GRIN2A: variants seen among roughly 807,000 people sequenced by gnomAD.
GRIN2A encodes the protein glutamate receptor ionotropic, NMDA 2A.
A neutral mutation model predicts 113.4 loss-of-function variants in GRIN2A; 22 were observed. The ratio of observed to expected loss-of-function variants is 0.19; its 90% confidence interval spans 0.14 to 0.28. The LOEUF is 0.28. Among genes scored for constraint, GRIN2A ranks in the 10% least tolerant of loss-of-function variants. The pLI is 1.00. For missense variants in GRIN2A, 1,502 were observed against 1,887.0 expected (o/e 0.80, Z 3.78); for synonymous variants, 827 against 738.4 (o/e 1.12, Z -1.94).
intron 2 of GRIN2A, among the ~76,000 whole-genome samples, chr16:10,137,402 T>C (rs973316480): frequency 6.6e-6 from 1 of 152,180 alleles, no homozygotes; most frequent in Non-Finnish European, 1.5e-5. Context: ...GGTGTTCCTA[T>C]TTTCTCCATC....
chr16:9,943,807 C>A (rs1261896911), intron 2 of GRIN2A, among the ~76,000 whole-genome samples: 1 of 152,152 alleles, frequency 6.6e-6, no homozygotes, highest in Non-Finnish European at 1.5e-5. Context: ...GAAGAGTTAT[C>A]AAAGAATAAC....
At chr16:9,863,277 A>T (rs563701396) in intron 4 of GRIN2A, among the ~76,000 whole-genome samples, 1 of 152,212 alleles carries the variant, frequency 6.6e-6, no homozygotes, top group Admixed American at 6.5e-5. Context: ...ATGTCCTGAG[A>T]GTTGGAGAAG....
At chr16:10,098,821 G>A (rs1314692632) in intron 2 of GRIN2A, among the ~76,000 whole-genome samples, 6 of 152,006 alleles carry the variant, frequency 3.9e-5, no homozygotes, top group Non-Finnish European at 7.4e-5. Context: ...GGGTGGTGAG[G>A]AATAAAAGAC....
chr16:9,784,462 C>CAAA lies in GRIN2A; in HGVS notation c.2356+13812_2356+13814dup, dbSNP rs796182471. On this transcript the variant is annotated intron_variant, in intron 11 of 12. Transcript: ENST00000330684. Reference sequence around the variant, plus strand: ...CAACCAAAAAAAAAAAACAAACAAACAAAAAACCTAAAACCATAAAAACCC... The same window carrying CAAA: ...CAACCAAAAAAAAAAAACAAACAAACAAAAAAAAACCTAAAACCATAAAAACCC... Among the ~76,000 whole-genome samples the CAAA allele has an allele frequency of 1.4e-4, 20 of 144,934 alleles. 1 individual carries two copies. The highest frequency in any genetic ancestry group is 5.2e-4 in the African/African-American group (20 of 38,442).
At chr16:9,767,591 A>C (rs188732975) in intron 12 of GRIN2A, among the ~76,000 whole-genome samples, 13 of 152,114 alleles carry the variant, frequency 8.5e-5, no homozygotes, top group African/African-American at 2.9e-4. Flanking sequence ...AAAACAAAAA[A>C]AAACACAAAC....
At chr16:10,134,298 T>C (rs1169152251) in intron 2 of GRIN2A, among the ~76,000 whole-genome samples, 2 of 152,006 alleles carry the variant, frequency 1.3e-5, no homozygotes, top group East Asian at 3.9e-4. Flanking sequence ...CCTTTGAGCT[T>C]GAGGCTCTAC....
chr16:9,772,921 T>TC (rs1555484392), intron 11 of GRIN2A, among the ~76,000 whole-genome samples: 4 of 18,420 alleles, frequency 2.2e-4, no homozygotes, highest in Non-Finnish European at 2.6e-4. Flanking sequence ...GACTTCAATT[T>TC]CAAAAAAAAA....
At chr16:10,016,810 T>C (rs929329377) in intron 2 of GRIN2A, among the ~76,000 whole-genome samples, 11 of 152,166 alleles carry the variant, frequency 7.2e-5, no homozygotes, top group African/African-American at 2.7e-4. Context: ...CTACCCCTCA[T>C]ACTTCCAATC....
At chr16:10,049,732 T>A (rs953517976) in intron 2 of GRIN2A, among the ~76,000 whole-genome samples, 1 of 152,216 alleles carries the variant, frequency 6.6e-6, no homozygotes, top group African/African-American at 2.4e-5. Flanking sequence ...TTTTCCATTA[T>A]ACTTAGCACC....
intron 2 of GRIN2A, chr16:10,112,759 T>C (rs565861852): frequency 2.1e-5 from 15 of 714,364 alleles, no homozygotes; most frequent in East Asian, 1.4e-4. Context: ...CCCTACCTCA[T>C]AGCGAGTAAC....
intron 10 of GRIN2A, among the ~76,000 whole-genome samples, chr16:9,821,498 T>G (rs2042284154): frequency 6.6e-6 from 1 of 152,174 alleles, no homozygotes; most frequent in Non-Finnish European, 1.5e-5. Context: ...AACAATGGAC[T>G]TTTCAGAAGA....
At chr16:9,935,677 G>C (rs1045193078) in intron 3 of GRIN2A, among the ~76,000 whole-genome samples, 3 of 151,960 alleles carry the variant, frequency 2.0e-5, no homozygotes, top group Admixed American at 1.3e-4. Flanking sequence ...AACATGGTTT[G>C]TTGACTGTAT....
intron 2 of GRIN2A, among the ~76,000 whole-genome samples, chr16:10,012,906 G>A (rs78852925): frequency 0.19 from 28,253 of 152,142 alleles, 2,924 homozygotes; most frequent in East Asian, 0.35. Context: ...AAGCCAGTAA[G>A]TTTGCGGTAA....
chr16:10,128,796 A>G (rs2049000364), intron 2 of GRIN2A, among the ~76,000 whole-genome samples: 1 of 152,244 alleles, frequency 6.6e-6, no homozygotes. Flanking sequence ...CTGAGAAGTT[A>G]AAGAATTTTA....
intron 2 of GRIN2A, among the ~76,000 whole-genome samples, chr16:10,129,597 A>G (rs2049020465): frequency 6.6e-6 from 1 of 152,174 alleles, no homozygotes; most frequent in Admixed American, 6.5e-5. Context: ...ACGGAACAAC[A>G]AGTGCAAAGG....
intron 10 of GRIN2A, among the ~76,000 whole-genome samples, chr16:9,817,841 T>C (rs891526721): frequency 6.6e-6 from 1 of 152,204 alleles, no homozygotes; most frequent in Non-Finnish European, 1.5e-5. Context: ...GGTGGAGCAG[T>C]GAGACCCAGC....
intron 4 of GRIN2A, among the ~76,000 whole-genome samples, chr16:9,860,553 G>A (rs1464826304): frequency 1.3e-5 from 2 of 152,002 alleles, no homozygotes; most frequent in Non-Finnish European, 1.5e-5. Flanking sequence ...AAGGGATGGG[G>A]ATGAGGACTT....
chr16:10,007,934 C>G (rs891607115), intron 2 of GRIN2A, among the ~76,000 whole-genome samples: 1 of 152,148 alleles, frequency 6.6e-6, no homozygotes, highest in African/African-American at 2.4e-5. Context: ...CTTACTCTGA[C>G]AAGTCATTCT....
At chr16:9,886,803 G>T (rs1453961536) in intron 4 of GRIN2A, among the ~76,000 whole-genome samples, 2 of 152,176 alleles carry the variant, frequency 1.3e-5, no homozygotes, top group East Asian at 3.8e-4. Context: ...ATTATAATTG[G>T]TATTCATGTC....
Sources: allele counts gnomAD v4.1 joint callset (sites outside exome capture counted in the v4.1 genomes callset), GRCh38; gene constraint gnomAD v4.1.1; transcripts MANE v1.5; gene names NCBI Gene and HGNC (gene_info 2026-07-23, HGNC 2026-07-21).